Variants in GGA2 observed in about 807,000 individuals in gnomAD.
GGA2 encodes ADP-ribosylation factor-binding protein GGA2.
In GGA2, 48 loss-of-function variants were observed where a neutral mutation model predicts 79.5. The ratio of observed to expected loss-of-function variants is 0.60; its 90% CI spans 0.48 to 0.77. The LOEUF (loss-of-function observed/expected upper bound fraction) is 0.77. Among genes scored for constraint, GGA2 ranks in the 30% least tolerant of loss-of-function variants. The pLI, the probability that GGA2 is intolerant of heterozygous loss-of-function variation, is 0.00. For missense variants in GGA2, 770 were observed against 774.0 expected (o/e 0.99, Z 0.06); for synonymous variants, 317 against 302.0 (o/e 1.05, Z -0.51).
intron 14 of GGA2, among the ~76,000 whole-genome samples, chr16:23,473,727 A>G (rs1483303871): frequency 1.3e-5 from 2 of 152,242 alleles, no homozygotes; most frequent in South Asian, 4.1e-4. Context: ...AGACTTATAA[A>G]AAGTTATAAA....
At chr16:23,494,616 A>G (rs1964832312) in intron 2 of GGA2, among the ~76,000 whole-genome samples, 1 of 152,068 alleles carries the variant, frequency 6.6e-6, no homozygotes, top group Non-Finnish European at 1.5e-5. Context: ...CCCTCCCCTC[A>G]GCCAACCCCC....
chr16:23,472,183 G>GGCATCCAAAGAT, intron 14 of GGA2, among the ~76,000 whole-genome samples: 1 of 117,902 alleles, frequency 8.5e-6, no homozygotes, highest in Non-Finnish European at 1.7e-5. Flanking sequence ...TTGTAGCCCT[G>GGCATCCAAAGAT]GTTTTTTTTT....
chr16:23,519,230 A>C (rs749029938), intron 2 of GGA2, among the ~76,000 whole-genome samples: 25 of 152,030 alleles, frequency 1.6e-4, no homozygotes, highest in Non-Finnish European at 3.2e-4. Context: ...TTTTGTAGAA[A>C]CAGGGTTTCA....
chr16:23,524,060 G>T, upstream of GGA2: 1 of 349,790 alleles, frequency 2.9e-6, no homozygotes, highest in Non-Finnish European at 5.3e-6. Context: ...CAAGCCTTCT[G>T]CACTGTTCCG....
At chr16:23,519,752 T>C (rs901080742) in intron 1 of GGA2, 2 of 225,678 alleles carry the variant, frequency 8.9e-6, no homozygotes, top group Admixed American at 6.0e-5. Flanking sequence ...TAGGTACAGA[T>C]TCCATTCTTT....
chr16:23,510,267 C>G, intron 1 of GGA2, 54 bp downstream of exon 1: 2 of 1,176,912 alleles, frequency 1.7e-6, no homozygotes, highest in Non-Finnish European at 2.3e-6. Flanking sequence ...AGGCGGGAAG[C>G]GAGGCCTCAC....
At chr16:23,479,689 G>A in intron 11 of GGA2, 76 bp downstream of exon 11, 1 of 1,520,392 alleles carries the variant, frequency 6.6e-7, no homozygotes. Context: ...GCAGGCATGT[G>A]CTCCGCGAAG....
At chr16:23,524,033 C>T (rs1965183256), upstream of GGA2, 1 of 233,092 alleles carries the variant, frequency 4.3e-6, no homozygotes, top group South Asian at 1.2e-4. Context: ...TTATGGGGGC[C>T]CTAGCAAACT....
chr16:23,493,292 A>C (rs1335121776), intron 4 of GGA2, 68 bp downstream of exon 4: 3 of 929,646 alleles, frequency 3.2e-6, no homozygotes, highest in East Asian at 2.4e-5. Flanking sequence ...TGGCCTGAGG[A>C]GGGAGCCAGG....
chr16:23,510,561 T>C (rs1272671201), upstream of GGA2: 32 of 361,902 alleles, frequency 8.8e-5, no homozygotes, highest in Admixed American at 4.9e-4. Context: ...AGGCCCCCCC[T>C]CCACGCGGGA....
rs1333615550 is a variant in GGA2, at chr16:23,464,601, G to A, written c.*2989C>T. ...AGAGCAGTGGCAATGTAAGTGCAGGGAGGACATGATGTGGGATTATTTAGA... is the reference window on the plus strand; with the variant it reads ...AGAGCAGTGGCAATGTAAGTGCAGGAAGGACATGATGTGGGATTATTTAGA... On this transcript the variant is annotated 3_prime_UTR_variant, in exon 17 of 17. Transcript: ENST00000309859. 1 of 152,098 alleles carries A rather than the reference G, an allele frequency of 6.6e-6. No homozygotes were observed. The highest frequency in any genetic ancestry group is 1.5e-5 in the Non-Finnish European group (1 of 68,062). The allele number at this position is 152,098 out of a possible 1,614,324, so 9.4% of individuals were successfully genotyped here. A position where few individuals can be genotyped will look rare whatever the true frequency, so the allele number is the denominator to read the frequency against.
chr16:23,473,328 G>GTTTTT (rs1236646063), intron 14 of GGA2, among the ~76,000 whole-genome samples: 10 of 38,710 alleles, frequency 2.6e-4, no homozygotes, highest in Admixed American at 6.9e-4. Flanking sequence ...TACTTTTCTA[G>GTTTTT]TCTTTTTTTT....
At chr16:23,504,724 G>A (rs2142142689) in intron 1 of GGA2, among the ~76,000 whole-genome samples, 1 of 152,338 alleles carries the variant, frequency 6.6e-6, no homozygotes, top group South Asian at 2.1e-4. Flanking sequence ...AAATTCAAAG[G>A]ATGCCTTCTC....
At chr16:23,523,642 C>T (rs1307950995), upstream of GGA2, 1 of 152,334 alleles carries the variant, frequency 6.6e-6, no homozygotes, top group East Asian at 1.9e-4. Context: ...CCCATGAGTC[C>T]TGCTGCCCAG....
chr16:23,516,735 C>T (rs1442567553), intron 2 of GGA2, among the ~76,000 whole-genome samples: 1 of 152,170 alleles, frequency 6.6e-6, no homozygotes, highest in East Asian at 1.9e-4. Context: ...AGACTCCCTT[C>T]ATCTCCAGCT....
At position 23,493,592 on chromosome 16, in the gene GGA2, A is replaced by T. The variant is rs537598941; in HGVS notation, c.253-134T>A. The T allele has an allele frequency of 2.5e-5, 16 of 642,862 alleles. No individual in the cohort carries two copies. In the South Asian group the frequency reaches 2.5e-4, roughly 10 times the overall value. The allele number at this position is 642,862 out of a possible 1,614,324, so 39.8% of individuals were successfully genotyped here. On this transcript the variant is annotated intron_variant, in intron 3 of 16. Coordinates refer to ENST00000309859, the MANE Select transcript of GGA2 (RefSeq NM_015044.4). Reference sequence around the variant, plus strand: ...TGCCTCAAGCCTATGAGGACACTGAAGTTTTGATGAAGAGGACGTTTTCAG... The same window carrying T: ...TGCCTCAAGCCTATGAGGACACTGATGTTTTGATGAAGAGGACGTTTTCAG...
chr16:23,486,521 G>A (rs1325752847), intron 7 of GGA2, among the ~76,000 whole-genome samples, 189 bp downstream of exon 7: 1 of 152,162 alleles, frequency 6.6e-6, no homozygotes, highest in African/African-American at 2.4e-5. Context: ...ACGGCAGCGG[G>A]ATTTCTGGTT....
At chr16:23,479,465 T>C (rs1418874988) in intron 11 of GGA2, among the ~76,000 whole-genome samples, 1 of 149,528 alleles carries the variant, frequency 6.7e-6, no homozygotes, top group Non-Finnish European at 1.5e-5. Context: ...AGCAGGTATG[T>C]GCTCCCTCAG....
rs1342094232 is a variant in GGA2 at position 23,479,077 on chromosome 16, A to G, written c.1130-166T>C. 3 of 647,226 alleles carry G rather than the reference A, an allele frequency of 4.6e-6. No individual in the cohort carries two copies. In the South Asian group the frequency reaches 5.2e-5, roughly 11 times the overall value. The allele number at this position is 647,226 out of a possible 1,614,324, so 40.1% of individuals were successfully genotyped here. ...CATGGCCAATCTGTGACTAATATGC[A>G]AGGGGGACCCTCTGAACTGCCCAGA... On this transcript the variant is annotated intron_variant, in intron 11 of 16. Coordinates refer to ENST00000309859, the MANE Select transcript of GGA2 (RefSeq NM_015044.4).
Sources: gnomAD v4.1 joint callset for allele counts (sites outside exome capture counted in the v4.1 genomes callset) on GRCh38, gnomAD v4.1.1 for gene constraint, MANE v1.5 for transcripts, NCBI Gene and HGNC (gene_info 2026-07-23, HGNC 2026-07-21) for gene names.